The following EFCAB5 variants were observed in gnomAD, a reference collection of about 807,000 sequenced individuals.
EFCAB5 encodes EF-hand calcium binding domain 5.
Under a neutral mutation model 167.9 loss-of-function variants are expected in EFCAB5, and 131 were observed. The ratio of observed to expected loss-of-function variants is 0.78; its 90% CI spans 0.68 to 0.90. The LOEUF (loss-of-function observed/expected upper bound fraction) is 0.90. Ranked by LOEUF, EFCAB5 falls within the 40% of genes least tolerant of loss-of-function variation. The pLI, the probability that EFCAB5 is intolerant of heterozygous loss-of-function variation, is 0.00. For missense variants in EFCAB5, 1,663 were observed against 1,745.2 expected (o/e 0.95, Z 0.84); for synonymous variants, 574 against 602.8 (o/e 0.95, Z 0.70).
intron 14 of EFCAB5, chr17:30,069,368 A>G: frequency 6.4e-7 from 1 of 1,558,242 alleles, no homozygotes; most frequent in Non-Finnish European, 8.8e-7. Flanking sequence ...TGAAATGAAC[A>G]GCTTGTTTGA....
chr17:30,103,229 A>AT (rs940964515), intron 22 of EFCAB5, among the ~76,000 whole-genome samples: 1 of 147,544 alleles, frequency 6.8e-6, no homozygotes, highest in Non-Finnish European at 1.5e-5. Context: ...ATATATTATA[A>AT]ATATATATAT....
intron 14 of EFCAB5, among the ~76,000 whole-genome samples, chr17:30,063,147 C>T (rs1349044917): frequency 6.6e-6 from 1 of 152,184 alleles, no homozygotes; most frequent in African/African-American, 2.4e-5. Flanking sequence ...TTACTGGACT[C>T]TTAGAGTCTG....
At chr17:30,031,355 T>C (rs913305879) in intron 7 of EFCAB5, among the ~76,000 whole-genome samples, 10 of 152,240 alleles carry the variant, frequency 6.6e-5, no homozygotes, top group African/African-American at 2.4e-4. Context: ...CAGATGATGC[T>C]GATGCTGTTG....
intron 21 of EFCAB5, 147 bp from the exon 22 acceptor site, chr17:30,092,693 G>T (rs1164242663): frequency 5.8e-6 from 3 of 516,780 alleles, no homozygotes; most frequent in African/African-American, 4.0e-5. Context: ...CCGGCCATGG[G>T]TAACCATCAT....
At chr17:30,005,099 A>G (rs1437523021) in intron 7 of EFCAB5, among the ~76,000 whole-genome samples, 2 of 152,186 alleles carry the variant, frequency 1.3e-5, no homozygotes, top group African/African-American at 4.8e-5. Context: ...TAAAGAATAA[A>G]TATTTGAGGT....
At chr17:29,944,249 A>G (rs1192367200) in intron 3 of EFCAB5, among the ~76,000 whole-genome samples, 1 of 151,602 alleles carries the variant, frequency 6.6e-6, no homozygotes, top group African/African-American at 2.4e-5. Flanking sequence ...CTAGTTTTTT[A>G]TTTTTTATTT....
intron 7 of EFCAB5, among the ~76,000 whole-genome samples, chr17:30,010,726 T>C (rs2068877823): frequency 6.6e-6 from 1 of 152,236 alleles, no homozygotes; most frequent in African/African-American, 2.4e-5. Context: ...GATGGGTAGA[T>C]TGCAAAAATT....
intron 17 of EFCAB5, among the ~76,000 whole-genome samples, chr17:30,081,814 G>C (rs1279403207): frequency 6.6e-6 from 1 of 152,186 alleles, no homozygotes; most frequent in African/African-American, 2.4e-5. Context: ...TCTGACACAA[G>C]AATTATGTGA....
chr17:30,029,542 G>A (rs1002650708), intron 7 of EFCAB5, among the ~76,000 whole-genome samples: 6 of 151,462 alleles, frequency 4.0e-5, no homozygotes, highest in Admixed American at 2.6e-4. Context: ...GGGGCTGTCT[G>A]TATATAATTA....
chr17:29,995,491 C>G (rs2068525337), intron 5 of EFCAB5, among the ~76,000 whole-genome samples: 1 of 152,196 alleles, frequency 6.6e-6, no homozygotes, highest in Non-Finnish European at 1.5e-5. Context: ...ACTGGTAAAG[C>G]CATGTTTCCT....
At chr17:29,958,098 C>T (rs748929305) in intron 3 of EFCAB5, among the ~76,000 whole-genome samples, 1 of 152,090 alleles carries the variant, frequency 6.6e-6, no homozygotes, top group Non-Finnish European at 1.5e-5. Flanking sequence ...CTTCAATGTT[C>T]ATAAGACTAA....
chr17:30,026,647 CA>C (rs2069331162), intron 7 of EFCAB5, among the ~76,000 whole-genome samples: 2 of 152,236 alleles, frequency 1.3e-5, no homozygotes, highest in South Asian at 4.1e-4. Flanking sequence ...ATTGTTCTAA[CA>C]AGGTCCATAC....
At chr17:29,968,215 T>C (rs1315284450) in intron 3 of EFCAB5, 4 of 403,746 alleles carry the variant, frequency 9.9e-6, no homozygotes, top group Non-Finnish European at 1.5e-5. Context: ...CTCAGTGTTG[T>C]AGCAGATGAA....
At chr17:29,968,056 G>C (rs1597594813) in intron 3 of EFCAB5, among the ~76,000 whole-genome samples, 1 of 151,870 alleles carries the variant, frequency 6.6e-6, no homozygotes, top group Non-Finnish European at 1.5e-5. Context: ...TTTATTGTTT[G>C]TAGAAACAGC....
chr17:30,078,432 C>T lies in EFCAB5; in HGVS notation c.2955C>T (p.Ile985=), dbSNP rs1408755347. The T allele has an allele frequency of 6.2e-7, 1 of 1,613,794 alleles. No individual in the cohort carries two copies. The highest frequency in any genetic ancestry group is 1.3e-5 in the African/African-American group (1 of 74,894). The change falls in exon 15 of 23, where the codon ATC becomes ATT. Residue 985 remains isoleucine (I), a synonymous_variant. Transcript: ENST00000394835. ...CCAGGCGGAAATGGCTGCACCAAAT[C>T]CAATGTGCTGCAGAGACAAGTGGGG... ...NSARRKWLHQ[I]QCAAETSGVS... is the part of the protein sequence containing the mutation.
At chr17:30,063,626 C>T (rs1232073402) in intron 14 of EFCAB5, among the ~76,000 whole-genome samples, 1 of 152,150 alleles carries the variant, frequency 6.6e-6, no homozygotes, top group Non-Finnish European at 1.5e-5. Context: ...GAATCAGGAG[C>T]CACAGTAAGT....
intron 7 of EFCAB5, among the ~76,000 whole-genome samples, chr17:30,001,194 A>G (rs1430556677): frequency 6.6e-6 from 1 of 152,166 alleles, no homozygotes; most frequent in Non-Finnish European, 1.5e-5. Flanking sequence ...AGTCTTAAGT[A>G]ATAAAAATTT....
chr17:30,005,114 G>A (rs1349541013), intron 7 of EFCAB5, among the ~76,000 whole-genome samples: 1 of 152,190 alleles, frequency 6.6e-6, no homozygotes, highest in Non-Finnish European at 1.5e-5. Context: ...TGAGGTTTTA[G>A]TATATATTTG....
In EFCAB5 at chr17:29,969,173, T is replaced by C; in HGVS notation, c.573T>C (p.Thr191=). 6.2e-7 allele frequency: 1 copy of C among 1,613,644 alleles called. No individual in the cohort carries two copies. The highest frequency in any genetic ancestry group is 8.5e-7 in the Non-Finnish European group (1 of 1,179,832). ...TLVPGVENML[T]QVEKKKVLTE... is the part of the protein sequence containing the mutation. ...TTCCTGGAGTAGAAAACATGTTAAC[T>C]CAAGTAGAAAAGAAGAAGGTTTTGA... is the stretch of plus-strand genomic sequence containing the variant. Residue 191 remains threonine (T), a synonymous_variant, in exon 4 of 23, where the codon ACT becomes ACC. Coordinates refer to ENST00000394835, the MANE Select transcript of EFCAB5 (RefSeq NM_198529.4).
Sources: allele counts gnomAD v4.1 joint callset (sites outside exome capture counted in the v4.1 genomes callset), GRCh38; gene constraint gnomAD v4.1.1; transcripts MANE v1.5; gene names NCBI Gene and HGNC (gene_info 2026-07-23, HGNC 2026-07-21).